Variants in ST3GAL4 observed in about 807,000 individuals in gnomAD.
The protein encoded by ST3GAL4 is CMP-N-acetylneuraminate-beta-galactosamide-alpha-2,3-sialyltransferase 4.
A neutral mutation model predicts 42.6 loss-of-function variants in ST3GAL4; 24 were observed. The ratio of observed to expected loss-of-function variants is 0.56; its 90% CI spans 0.41 to 0.79. The LOEUF (loss-of-function observed/expected upper bound fraction) is 0.79, where lower values mean the gene tolerates loss of function less well. Among genes scored for constraint, ST3GAL4 ranks in the 30% least tolerant of loss-of-function variants. The pLI, the probability that ST3GAL4 is intolerant of heterozygous loss-of-function variation, is 0.00. For missense variants in ST3GAL4, 311 were observed against 430.8 expected (o/e 0.72, Z 2.46); for synonymous variants, 135 against 163.2 (o/e 0.83, Z 1.32).
rs932807833 is a variant in ST3GAL4, at chr11:126,367,365, C to G, written c.-61+11523C>G. Among the ~76,000 whole-genome samples the G allele has an allele frequency of 3.0e-4, 46 of 152,274 alleles. 1 individual carries two copies. Among genetic ancestry groups the G allele is most frequent in the Admixed American group, 2.5e-3 (39 of 15,300 alleles). On this transcript the variant is annotated intron_variant, in intron 1 of 10. Coordinates refer to ENST00000444328, the MANE Select transcript of ST3GAL4 (RefSeq NM_001254757.2). ...GCAGTGCCTCTGCCTGTCTCCCTGG[C>G]CGTGGCAGGTCCTTTGTCACGTATG...
chr11:126,399,301 C>T (rs142157284), intron 1 of ST3GAL4, among the ~76,000 whole-genome samples: 17 of 87,744 alleles, frequency 1.9e-4, no homozygotes, highest in Admixed American at 5.0e-4. Context: ...TTCTTTCCTT[C>T]TTTTTTTTTT....
At chr11:126,404,304 G>A (rs900264068) in intron 1 of ST3GAL4, among the ~76,000 whole-genome samples, 1 of 152,178 alleles carries the variant, frequency 6.6e-6, no homozygotes, top group Non-Finnish European at 1.5e-5. Context: ...TTGACAGCAA[G>A]GAAACTGCAG....
chr11:126,368,763 CT>C (rs1301361085), intron 1 of ST3GAL4, among the ~76,000 whole-genome samples: 7 of 152,346 alleles, frequency 4.6e-5, no homozygotes, highest in Non-Finnish European at 1.0e-4. Context: ...CCAGCTTCCC[CT>C]GGGGTGCTTC....
chr11:126,373,750 GACCC>G lies in ST3GAL4; in HGVS notation c.-61+17909_-61+17912del, dbSNP rs1372623061. Among the ~76,000 whole-genome samples the G allele has an allele frequency of 2.6e-5, 4 of 152,072 alleles. No homozygotes were observed. On this transcript the variant is annotated intron_variant, in intron 1 of 10. Coordinates refer to ENST00000444328, the MANE Select transcript of ST3GAL4 (RefSeq NM_001254757.2). This position sits in a 1 kb window ranked among gnomAD's most constrained non-coding sequence, Gnocchi z 5.5. ...GAGATGTTTCCATCCTCCCATGCAT[GACCC>G]TGAGGCAGTTAGCTGGTCAGTTACT...
At chr11:126,399,950 T>C (rs565436383) in intron 1 of ST3GAL4, among the ~76,000 whole-genome samples, 1 of 152,308 alleles carries the variant, frequency 6.6e-6, no homozygotes, top group Admixed American at 6.5e-5. Context: ...AGTTTCAGAC[T>C]TTCCCTACAG....
At chr11:126,404,381 C>T (rs1954138310) in intron 1 of ST3GAL4, among the ~76,000 whole-genome samples, 1 of 152,210 alleles carries the variant, frequency 6.6e-6, no homozygotes, top group South Asian at 2.1e-4. Flanking sequence ...TTCTGATGTA[C>T]TCTACTGTGT....
At chr11:126,381,083 T>A (rs1317303622) in intron 1 of ST3GAL4, among the ~76,000 whole-genome samples, 1 of 152,210 alleles carries the variant, frequency 6.6e-6, no homozygotes, top group Non-Finnish European at 1.5e-5. Context: ...AACCCGGGCC[T>A]GTGGTGCTGT....
intron 1 of ST3GAL4, among the ~76,000 whole-genome samples, chr11:126,362,290 C>T (rs915216488): frequency 1.1e-4 from 16 of 150,904 alleles, no homozygotes; most frequent in Admixed American, 9.9e-4. Flanking sequence ...CTCTGCCTCC[C>T]GGGTTCAAGC....
Position 126,414,273 on chromosome 11 carries a change from A to G in ST3GAL4, c.*226A>G. 1 of 575,928 alleles carries G rather than the reference A, an allele frequency of 1.7e-6. No individual in the cohort carries two copies. Among genetic ancestry groups the G allele is most frequent in the Non-Finnish European group, 3.1e-6 (1 of 321,118 alleles). The allele number at this position is 575,928 out of a possible 1,614,324, so 35.7% of individuals were successfully genotyped here. On this transcript the variant is annotated 3_prime_UTR_variant, in exon 11 of 11. Coordinates refer to ENST00000444328, the MANE Select transcript of ST3GAL4 (RefSeq NM_001254757.2). ...GCGCTGGAGCCGTGGGAGCCCGGCC[A>G]GGGCAGGGGGCTCGTTGCTGTGGCA...
Position 126,414,148 on chromosome 11 carries a change from C to G in ST3GAL4, c.*101C>G, listed in dbSNP as rs1954644555. On this transcript the variant is annotated 3_prime_UTR_variant, in exon 11 of 11. Transcript: ENST00000444328. ...CTGGTGCCAGTATGACCCACTTGGA[C>G]TCACCCCCTCTTGGGGAGGGAGTTC... is the stretch of plus-strand genomic sequence containing the variant. The G allele has an allele frequency of 8.8e-7, 1 of 1,138,474 alleles. No individual in the cohort carries two copies. Among genetic ancestry groups the G allele is most frequent in the African/African-American group, 1.5e-5 (1 of 65,782 alleles). 70.5% of individuals were successfully genotyped at this position (1,138,474 alleles called of 1,614,324 possible).
At chr11:126,385,261 T>A (rs1277151716) in intron 1 of ST3GAL4, among the ~76,000 whole-genome samples, 1 of 151,846 alleles carries the variant, frequency 6.6e-6, no homozygotes, top group African/African-American at 2.4e-5. Context: ...TTCACACCAT[T>A]CTCCTGCCTC....
intron 1 of ST3GAL4, among the ~76,000 whole-genome samples, chr11:126,369,723 T>A (rs1328931152): frequency 6.6e-6 from 1 of 152,180 alleles, no homozygotes; most frequent in East Asian, 1.9e-4. Context: ...AATTATTACT[T>A]CAAAATGTAT....
intron 1 of ST3GAL4, among the ~76,000 whole-genome samples, chr11:126,358,029 C>G (rs1952126107): frequency 6.6e-6 from 1 of 152,220 alleles, no homozygotes; most frequent in African/African-American, 2.4e-5. Context: ...GCTTGGGCCC[C>G]AAGTGGGGTC....
chr11:126,389,110 TCTCTA>T (rs1953369299), intron 1 of ST3GAL4, among the ~76,000 whole-genome samples: 1 of 152,166 alleles, frequency 6.6e-6, no homozygotes, highest in Non-Finnish European at 1.5e-5. Flanking sequence ...ATTTGTCTTC[TCTCTA>T]CTCCTCCCTC....
At chr11:126,390,040 G>C (rs1953422706) in intron 1 of ST3GAL4, among the ~76,000 whole-genome samples, 1 of 92,514 alleles carries the variant, frequency 1.1e-5, no homozygotes, top group Admixed American at 1.1e-4. Flanking sequence ...AAAATTAGCT[G>C]GGCGCGGTGG....
intron 1 of ST3GAL4, among the ~76,000 whole-genome samples, chr11:126,388,143 C>G (rs1247067706): frequency 6.6e-6 from 1 of 152,186 alleles, no homozygotes; most frequent in Non-Finnish European, 1.5e-5. Flanking sequence ...AGAGGTAGCT[C>G]TAGTTTTTCT....
chr11:126,394,808 A>G (rs1429684771), intron 1 of ST3GAL4, among the ~76,000 whole-genome samples: 2 of 100,410 alleles, frequency 2.0e-5, no homozygotes, highest in Admixed American at 1.2e-4. Flanking sequence ...AGGAGTCTGC[A>G]GTGCCAGGCT....
intron 1 of ST3GAL4, chr11:126,374,870 C>T (rs1482896754): frequency 3.9e-5 from 6 of 151,926 alleles, no homozygotes; most frequent in Admixed American, 2.6e-4. Context: ...CTCCCCAGCC[C>T]GTAGCCTGCG....
Position 126,376,699 on chromosome 11 carries a change from T to C in ST3GAL4, c.-61+20857T>C, listed in dbSNP as rs1952841913. Reference sequence around the variant, plus strand: ...TCCAAATTTTGCTTTAACAATTCCTTGCTTCTGGTTATTCTCTCAGCAAGC... The same window carrying C: ...TCCAAATTTTGCTTTAACAATTCCTCGCTTCTGGTTATTCTCTCAGCAAGC... On this transcript the variant is annotated intron_variant, in intron 1 of 10. Coordinates refer to ENST00000444328, the MANE Select transcript of ST3GAL4 (RefSeq NM_001254757.2). The surrounding 1 kb of genome is among the most constrained non-coding windows in gnomAD (Gnocchi z 5.1). 1 of 152,256 alleles carries C rather than the reference T, an allele frequency of 6.6e-6. No individual in the cohort carries two copies. The highest frequency in any genetic ancestry group is 1.5e-5 in the Non-Finnish European group (1 of 68,046). 9.4% of individuals were successfully genotyped at this position (152,256 alleles called of 1,614,324 possible).
Sources: allele counts gnomAD v4.1 joint callset (sites outside exome capture counted in the v4.1 genomes callset), GRCh38; gene constraint gnomAD v4.1.1; non-coding constraint Gnocchi (gnomAD v3.1); transcripts MANE v1.5; gene names NCBI Gene and HGNC (gene_info 2026-07-23, HGNC 2026-07-21).